Variants in CLCN4 observed in about 807,000 individuals in gnomAD.
CLCN4 encodes Cl-/H+ antiporter 4, also known as H(+)/Cl(-) exchange transporter 4.
A neutral mutation model predicts 41.7 loss-of-function variants in CLCN4; 1 was observed. That is an observed-to-expected ratio of 0.02 (90% CI 0.01 to 0.11). The LOEUF (loss-of-function observed/expected upper bound fraction) is 0.11. CLCN4 is among the 10% of genes least tolerant of loss of function. CLCN4 has a pLI of 1.00. For missense variants in CLCN4, 287 were observed against 661.0 expected (o/e 0.43, Z 6.20); for synonymous variants, 277 against 285.8 (o/e 0.97, Z 0.31).
At chrX:10,209,804 G>A (rs1183664736) in intron 9 of CLCN4, among the ~76,000 whole-genome samples, 1 of 109,456 alleles carries the variant, frequency 9.1e-6, no homozygotes, top group African/African-American at 3.3e-5. Context: ...TTTCTTTTAT[G>A]GAACCTGGGA....
intron 2 of CLCN4, among the ~76,000 whole-genome samples, chrX:10,181,312 T>C (rs1923675645): frequency 9.1e-6 from 1 of 109,310 alleles, no homozygotes; most frequent in Admixed American, 9.8e-5. Flanking sequence ...TGAGCTGTGA[T>C]TGTGCCACTG....
intron 11 of CLCN4, 97 bp from the exon 12 acceptor site, chrX:10,220,564 T>C (rs1924831944): frequency 3.0e-6 from 2 of 666,707 alleles, no homozygotes; most frequent in African/African-American, 2.2e-5. Context: ...AAACCCCTTT[T>C]CTGTGGGATT....
chrX:10,170,130 A>G (rs1923354337), intron 2 of CLCN4, among the ~76,000 whole-genome samples: 1 of 112,068 alleles, frequency 8.9e-6, no homozygotes, highest in African/African-American at 3.3e-5. Flanking sequence ...TGATGTCCAA[A>G]GCATTCAATA....
At chrX:10,185,285 G>A (rs1456534452) in intron 3 of CLCN4, 109 bp downstream of exon 3, 8 of 838,674 alleles carry the variant, frequency 9.5e-6, no homozygotes, top group Non-Finnish European at 1.1e-5. Flanking sequence ...CTGGGTTAGG[G>A]TCTAAAGAAG....
chrX:10,219,136 TA>T (rs1569233219), intron 11 of CLCN4, among the ~76,000 whole-genome samples: 1 of 112,519 alleles, frequency 8.9e-6, no homozygotes, highest in African/African-American at 3.2e-5. Flanking sequence ...ATAAGCATGT[TA>T]TTTATTTTAT....
intron 2 of CLCN4, among the ~76,000 whole-genome samples, chrX:10,167,269 G>C (rs1343184574): frequency 1.8e-5 from 2 of 112,127 alleles, no homozygotes; most frequent in Admixed American, 1.9e-4. Context: ...CTGGTGTTTG[G>C]AGGGTTAGCT....
intron 8 of CLCN4, 150 bp from the exon 9 acceptor site, chrX:10,207,895 C>T: frequency 4.1e-6 from 2 of 488,959 alleles, no homozygotes; most frequent in Non-Finnish European, 7.1e-6. Flanking sequence ...GGTATCTTTG[C>T]TGATGCGTTT....
At chrX:10,223,599 C>T (rs1020199920) in intron 12 of CLCN4, among the ~76,000 whole-genome samples, 2 of 111,789 alleles carry the variant, frequency 1.8e-5, no homozygotes, top group East Asian at 2.8e-4. Context: ...CTTCCCTGCT[C>T]GGGATGGCCA....
intron 12 of CLCN4, among the ~76,000 whole-genome samples, chrX:10,225,951 C>A (rs1439299879): frequency 9.0e-6 from 1 of 111,127 alleles, no homozygotes. Context: ...ATCTATGTAC[C>A]AGTACTGTAC....
intron 5 of CLCN4, 111 bp downstream of exon 5, chrX:10,195,209 C>G (rs1924065949): frequency 7.8e-6 from 6 of 772,756 alleles, no homozygotes; most frequent in Non-Finnish European, 7.6e-6. Flanking sequence ...AGTGCCTGCT[C>G]TGAAGTTCGT....
intron 4 of CLCN4, among the ~76,000 whole-genome samples, chrX:10,194,317 C>G (rs1193272628): frequency 8.9e-6 from 1 of 111,975 alleles, no homozygotes; most frequent in African/African-American, 3.3e-5. Context: ...ACTGCACATT[C>G]CGTTTTCTCC....
In CLCN4 at chrX:10,194,905, T is replaced by C. The variant is rs748363549; in HGVS notation, c.245-6T>C. The C allele has an allele frequency of 3.3e-6, 4 of 1,208,402 alleles. No homozygotes were observed. The Admixed American group carries it at 8.8e-5, about 26-fold the overall frequency. ...TCCTCTTAGTGGCTCGTGTTACTTC[T>C]TCCAGGCACCTTGGCTGGGGTCATC... On this transcript the variant is annotated splice_polypyrimidine_tract_variant and splice_region_variant and intron_variant, in intron 4 of 12. Transcript: ENST00000380833.
At chrX:10,199,003 G>A (rs1449634352) in intron 6 of CLCN4, among the ~76,000 whole-genome samples, 1 of 112,009 alleles carries the variant, frequency 8.9e-6, no homozygotes, top group Non-Finnish European at 1.9e-5. Context: ...TTGCAGAAAG[G>A]GCTGAAGTCA....
chrX:10,181,803 C>T (rs143759336), intron 2 of CLCN4, among the ~76,000 whole-genome samples: 5 of 111,890 alleles, frequency 4.5e-5, no homozygotes, highest in Admixed American at 1.9e-4. Context: ...AGCGAGCTGA[C>T]CCATTCAGAG....
chrX:10,176,636 C>T (rs1398884151), intron 2 of CLCN4, among the ~76,000 whole-genome samples: 3 of 111,848 alleles, frequency 2.7e-5, no homozygotes, highest in Non-Finnish European at 3.8e-5. Context: ...GGGACCCTGC[C>T]GGGACTTGCC....
chrX:10,198,931 G>A (rs758444571), intron 6 of CLCN4, among the ~76,000 whole-genome samples: 5 of 112,535 alleles, frequency 4.4e-5, no homozygotes, highest in Admixed American at 2.8e-4. Context: ...TGTGGGCTGA[G>A]TATGGCAGTA....
chrX:10,160,564 C>T (rs183015565), intron 2 of CLCN4, among the ~76,000 whole-genome samples: 2 of 111,594 alleles, frequency 1.8e-5, no homozygotes, highest in Admixed American at 9.5e-5. Context: ...GAGTCCATTT[C>T]CTTGTCTGCA....
chrX:10,179,012 C>T (rs752945904), intron 2 of CLCN4, among the ~76,000 whole-genome samples: 1 of 111,654 alleles, frequency 9.0e-6, no homozygotes, highest in African/African-American at 3.3e-5. Context: ...TTGAGAGGAT[C>T]CCTTTTGAGG....
rs1925174995 is a variant in CLCN4, at chrX:10,233,559, A to C, written c.2258A>C (p.Asp753Ala). Residue 753 changes from aspartate (D) to alanine (A), a missense_variant, in exon 13 of 13, where the codon GAC becomes GCC. Asp to Ala is a moderately radical substitution (Grantham distance 126, BLOSUM62 -2). Transcript: ENST00000380833. The part of the protein sequence containing the change: ...LRHMAQMANQ[D>A]PESIMFN ...CATATGGCCCAGATGGCAAACCAGGACCCCGAATCCATCATGTTTAATTAG... is the reference window on the plus strand; with the variant it reads ...CATATGGCCCAGATGGCAAACCAGGCCCCCGAATCCATCATGTTTAATTAG... 1 of 1,205,288 alleles carries C rather than the reference A, an allele frequency of 8.3e-7. No homozygotes were observed.
Sources: allele counts gnomAD v4.1 joint callset (sites outside exome capture counted in the v4.1 genomes callset), GRCh38; gene constraint gnomAD v4.1.1; transcripts MANE v1.5; gene names NCBI Gene and HGNC (gene_info 2026-07-23, HGNC 2026-07-21).